The following LMO7 variants were observed in gnomAD, a reference collection of about 807,000 sequenced individuals.
LMO7 encodes the protein LIM domain only protein 7.
Under a neutral mutation model 206.5 loss-of-function variants are expected in LMO7, and 120 were observed. The ratio of observed to expected loss-of-function variants is 0.58; its 90% CI spans 0.50 to 0.68. LMO7 has a LOEUF of 0.68. LMO7 is among the 30% of genes least tolerant of loss of function. The pLI is 0.00. For missense variants in LMO7, 1,959 were observed against 1,957.9 expected (o/e 1.00, Z -0.01); for synonymous variants, 706 against 681.5 (o/e 1.04, Z -0.56).
intron 2 of LMO7, among the ~76,000 whole-genome samples, chr13:75,717,377 A>G (rs1316565649): frequency 6.7e-6 from 1 of 150,310 alleles, no homozygotes; most frequent in Non-Finnish European, 1.5e-5. Context: ...AAAAAAAAAA[A>G]AAAACACACA....
At chr13:75,850,908 G>T (rs1324780991) in intron 27 of LMO7, among the ~76,000 whole-genome samples, 3 of 152,026 alleles carry the variant, frequency 2.0e-5, no homozygotes, top group Non-Finnish European at 2.9e-5. Flanking sequence ...CCCTGTAGCT[G>T]TAGAGGCTTC....
intron 4 of LMO7, among the ~76,000 whole-genome samples, chr13:75,781,096 C>CTTTTTTTTTTTTTTTTTCT (rs2051285777): frequency 1.3e-3 from 53 of 41,926 alleles, no homozygotes; most frequent in Non-Finnish European, 1.6e-3. Context: ...CTCTATTTTC[C>CTTTTTTTTTTTTTTTTTCT]TTTTTTTTTT....
At chr13:75,742,489 G>T (rs1463197934) in intron 3 of LMO7, among the ~76,000 whole-genome samples, 1 of 152,136 alleles carries the variant, frequency 6.6e-6, no homozygotes, top group Admixed American at 6.5e-5. Context: ...CAGGGCTATG[G>T]TAGCCAAAAC....
chr13:75,835,547 T>C (rs893541156), intron 18 of LMO7, among the ~76,000 whole-genome samples: 1 of 152,216 alleles, frequency 6.6e-6, no homozygotes, highest in African/African-American at 2.4e-5. Flanking sequence ...TTGTGAGTTA[T>C]ATAATGGTAA....
intron 1 of LMO7, among the ~76,000 whole-genome samples, chr13:75,706,783 ATAATT>A (rs913096399): frequency 6.6e-6 from 1 of 152,138 alleles, no homozygotes; most frequent in Non-Finnish European, 1.5e-5. Context: ...TAGATTGAAG[ATAATT>A]TAATTTTTGT....
chr13:75,707,187 GA>G (rs1170739364), intron 1 of LMO7, among the ~76,000 whole-genome samples: 1 of 151,126 alleles, frequency 6.6e-6, no homozygotes, highest in African/African-American at 2.4e-5. Context: ...AGTCTTTAAA[GA>G]ATATAAACAA....
At chr13:75,794,073 G>A (rs570812270) in intron 4 of LMO7, among the ~76,000 whole-genome samples, 17 of 152,220 alleles carry the variant, frequency 1.1e-4, no homozygotes, top group African/African-American at 3.9e-4. Context: ...GGACATCTAC[G>A]CTGCTTCTAG....
chr13:75,694,689 G>T (rs148300048), intron 1 of LMO7, among the ~76,000 whole-genome samples: 1 of 152,234 alleles, frequency 6.6e-6, no homozygotes, highest in African/African-American at 2.4e-5. Flanking sequence ...ACAGAGAAGT[G>T]AGATGTGGTA....
chr13:75,847,961 C>CTATTTATT (rs78574463), intron 26 of LMO7, among the ~76,000 whole-genome samples: 32,034 of 151,836 alleles, frequency 0.21, 3,453 homozygotes, highest in East Asian at 0.3. Flanking sequence ...TATCCAGTCA[C>CTATTTATT]TATTTATTTA....
intron 28 of LMO7, among the ~76,000 whole-genome samples, chr13:75,854,011 G>A (rs1379989961): frequency 2.0e-5 from 3 of 152,162 alleles, no homozygotes; most frequent in Non-Finnish European, 4.4e-5. Flanking sequence ...TGGGGAATAT[G>A]GTGTGGGAAG....
Position 75,629,853 on chromosome 13 carries a change from G to A in LMO7, c.225+6533G>A, listed in dbSNP as rs568127671. On this transcript the variant is annotated intron_variant, in intron 2 of 29. Coordinates refer to the LMO7 transcript ENST00000341547. ...GGTTGGCATGAGAGACCAAAAAGTC[G>A]TGCATGACCCTCAAATTTTAGGCAT... 5.8e-4 allele frequency among the ~76,000 whole-genome samples: 89 copies of A among 152,232 alleles called. 1 individual carries two copies. Among genetic ancestry groups the A allele is most frequent in the Non-Finnish European group, 5.9e-4 (40 of 68,018 alleles).
intron 1 of LMO7, among the ~76,000 whole-genome samples, chr13:75,667,537 G>A (rs181692207): frequency 1.3e-5 from 2 of 152,188 alleles, no homozygotes; most frequent in Non-Finnish European, 2.9e-5. Flanking sequence ...CTCTTCAGCT[G>A]TTAGTCTTAT....
At chr13:75,827,135 C>G (rs2058189939) in intron 15 of LMO7, among the ~76,000 whole-genome samples, 1 of 152,144 alleles carries the variant, frequency 6.6e-6, no homozygotes, top group African/African-American at 2.4e-5. Context: ...CACTGATATT[C>G]TTTGTACATT....
chr13:75,684,991 C>T (rs192026168), intron 1 of LMO7, among the ~76,000 whole-genome samples: 62 of 152,154 alleles, frequency 4.1e-4, no homozygotes, highest in African/African-American at 1.5e-3. Context: ...TATGGCATTG[C>T]GATTTGTTGG....
chr13:75,651,726 G>C (rs564248487), intron 1 of LMO7, among the ~76,000 whole-genome samples: 1 of 152,212 alleles, frequency 6.6e-6, no homozygotes, highest in East Asian at 1.9e-4. Flanking sequence ...GTCATTTTGC[G>C]GTACAAGCTT....
rs2059472023 is a variant in LMO7 at position 75,840,392 on chromosome 13, T to C, written c.3479T>C (p.Leu1160Pro). The C allele has an allele frequency of 1.2e-6, 2 of 1,613,876 alleles. No individual in the cohort carries two copies. Among genetic ancestry groups the C allele is most frequent in the South Asian group, 2.2e-5 (2 of 91,062 alleles). The change falls in exon 22 of 31, where the codon CTT (leucine) becomes CCT (proline). Residue 1160 changes from leucine (L) to proline (P), a missense_variant and splice_region_variant. Physicochemically the swap from Leu to Pro is moderately conservative, Grantham distance 98 (BLOSUM62 -3). Coordinates refer to ENST00000377534, the MANE Select transcript of LMO7 (RefSeq NM_001306080.2). ...QGSSDSVVPD[L>P]PVPTISAPSR... ...ATCTCTTCTCTGATAACTGGTTAGC[T>C]TCCAGTTCCAACCATCAGTGCCCCG... is the stretch of plus-strand genomic sequence containing the variant.
At chr13:75,705,505 G>A (rs943514269) in intron 1 of LMO7, among the ~76,000 whole-genome samples, 1 of 152,164 alleles carries the variant, frequency 6.6e-6, no homozygotes, top group Non-Finnish European at 1.5e-5. Flanking sequence ...ACAAGGCAGG[G>A]TGTGGCTGTT....
chr13:75,692,912 G>A (rs1332548497), intron 1 of LMO7, among the ~76,000 whole-genome samples: 1 of 152,216 alleles, frequency 6.6e-6, no homozygotes, highest in South Asian at 2.1e-4. Context: ...TTAGGCAAAT[G>A]TGAAGCAGTG....
At chr13:75,663,529 C>A (rs1340990590) in intron 1 of LMO7, among the ~76,000 whole-genome samples, 3 of 149,582 alleles carry the variant, frequency 2.0e-5, no homozygotes, top group Non-Finnish European at 4.4e-5. Context: ...CTCCCGGGTT[C>A]ACACCATTCT....
Sources: gnomAD v4.1 joint callset for allele counts (sites outside exome capture counted in the v4.1 genomes callset) on GRCh38, gnomAD v4.1.1 for gene constraint, MANE v1.5 for transcripts, NCBI Gene and HGNC (gene_info 2026-07-23, HGNC 2026-07-21) for gene names.